The following NRG3 variants were observed in gnomAD, a reference collection of about 807,000 sequenced individuals.
The protein encoded by NRG3 is neuregulin 3.
NRG3 carries 31 observed loss-of-function variants against 66.9 expected under a neutral mutation model. That is an observed-to-expected ratio of 0.46 (90% CI 0.35 to 0.63). The LOEUF is 0.63. Ranked by LOEUF, NRG3 falls within the 20% of genes least tolerant of loss-of-function variation. NRG3 has a pLI of 0.00. For synonymous variants in NRG3, 393 were observed against 359.4 expected, an observed-to-expected ratio of 1.09 and a Z score of -1.06; for missense variants, 910 against 878.9, an observed-to-expected ratio of 1.04 and a Z score of -0.45.
At chr10:82,149,503 C>T (rs1214895574) in intron 1 of NRG3, among the ~76,000 whole-genome samples, 3 of 152,008 alleles carry the variant, frequency 2.0e-5, no homozygotes, top group Non-Finnish European at 4.4e-5. Context: ...TTTTTATGTA[C>T]TTGTAATCGG....
intron 3 of NRG3, among the ~76,000 whole-genome samples, chr10:82,819,447 A>T (rs1327857389): frequency 6.6e-6 from 1 of 152,230 alleles, no homozygotes; most frequent in Admixed American, 6.5e-5. Flanking sequence ...ATCCTAAGAG[A>T]AGCAGCAAAG....
chr10:81,907,020 T>G (rs1281584238), intron 1 of NRG3, among the ~76,000 whole-genome samples: 1 of 152,132 alleles, frequency 6.6e-6, no homozygotes, highest in African/African-American at 2.4e-5. Flanking sequence ...AGGAGAGGTT[T>G]GGAGTGGGGA....
At chr10:82,103,121 G>T (rs1002147684) in intron 1 of NRG3, among the ~76,000 whole-genome samples, 1 of 151,972 alleles carries the variant, frequency 6.6e-6, no homozygotes, top group Admixed American at 6.5e-5. Context: ...TTAGTATTCT[G>T]GGCTGGTCTT....
intron 8 of NRG3, among the ~76,000 whole-genome samples, chr10:82,982,208 C>A (rs1355853027): frequency 6.6e-6 from 1 of 152,096 alleles, no homozygotes; most frequent in African/African-American, 2.4e-5. Context: ...TTTTCATGTG[C>A]CCTAGGAACT....
At chr10:82,356,374 TTAAC>T (rs1415072958) in intron 1 of NRG3, among the ~76,000 whole-genome samples, 36 of 152,162 alleles carry the variant, frequency 2.4e-4, no homozygotes, top group African/African-American at 8.2e-4. Context: ...AAAGGAAAAG[TTAAC>T]TAACTGATCA....
At chr10:82,719,244 T>C (rs553162586) in intron 2 of NRG3, among the ~76,000 whole-genome samples, 1 of 151,532 alleles carries the variant, frequency 6.6e-6, no homozygotes, top group Non-Finnish European at 1.5e-5. Context: ...CAAAAGAAGA[T>C]GGATGCAGAG....
intron 2 of NRG3, among the ~76,000 whole-genome samples, chr10:82,675,398 A>T (rs529069444): frequency 2.0e-5 from 3 of 152,302 alleles, no homozygotes; most frequent in African/African-American, 7.2e-5. Context: ...GTGGGGCCAC[A>T]AGAGCAGTTG....
chr10:82,981,962 T>G (rs573341792), intron 8 of NRG3, among the ~76,000 whole-genome samples: 1 of 152,300 alleles, frequency 6.6e-6, no homozygotes, highest in South Asian at 2.1e-4. Flanking sequence ...CTTTAGAAAT[T>G]TTATTGATAA....
rs77378071 is a variant in NRG3, at chr10:82,375,630, A to G, written c.953+16762A>G. 5.5e-4 allele frequency among the ~76,000 whole-genome samples: 84 copies of G among 152,330 alleles called. 1 individual carries two copies. The East Asian group carries it at 0.013, about 24-fold the overall frequency. ...GCCAAAACGCTAAGTGAATTTTACA[A>G]TGGAACATGGACTTTTCAAAGGGAC... On this transcript the variant is annotated intron_variant, in intron 2 of 8. Coordinates refer to ENST00000372141, the MANE Select transcript of NRG3 (RefSeq NM_001010848.4).
At chr10:82,075,965 A>C (rs976886899) in intron 1 of NRG3, among the ~76,000 whole-genome samples, 1 of 151,334 alleles carries the variant, frequency 6.6e-6, no homozygotes, top group African/African-American at 2.4e-5. Flanking sequence ...AAAAAAAAAA[A>C]CGATCATTTA....
intron 1 of NRG3, among the ~76,000 whole-genome samples, chr10:81,993,833 G>A (rs1275624197): frequency 6.6e-6 from 1 of 152,150 alleles, no homozygotes; most frequent in Non-Finnish European, 1.5e-5. Context: ...TCACATAGAA[G>A]CGCAGAAGCA....
At chr10:82,377,944 G>A (rs1006978879) in intron 2 of NRG3, among the ~76,000 whole-genome samples, 5 of 152,184 alleles carry the variant, frequency 3.3e-5, no homozygotes, top group African/African-American at 1.2e-4. Context: ...GTAACCGATA[G>A]AATTTGACCA....
At chr10:82,438,538 A>C (rs1277789668) in intron 2 of NRG3, among the ~76,000 whole-genome samples, 1 of 152,202 alleles carries the variant, frequency 6.6e-6, no homozygotes, top group Non-Finnish European at 1.5e-5. Context: ...CACTTAGACA[A>C]CAGGCAGCTG....
At chr10:82,841,787 G>A (rs937581878) in intron 3 of NRG3, among the ~76,000 whole-genome samples, 2 of 152,160 alleles carry the variant, frequency 1.3e-5, no homozygotes, top group South Asian at 4.1e-4. Context: ...GGGTACTATA[G>A]CCTAGTGAAG....
intron 3 of NRG3, among the ~76,000 whole-genome samples, chr10:82,801,172 T>C (rs960134067): frequency 3.3e-5 from 5 of 152,162 alleles, no homozygotes; most frequent in Non-Finnish European, 5.9e-5. Context: ...AAAGTTGCAC[T>C]TCGAAGATGT....
chr10:82,345,483 G>C (rs1005638110), intron 1 of NRG3, among the ~76,000 whole-genome samples: 35 of 151,888 alleles, frequency 2.3e-4, no homozygotes, highest in Non-Finnish European at 4.3e-4. Flanking sequence ...AGTATAGTTT[G>C]AAGTCAGGTA....
In NRG3 at chr10:82,695,444, TAC is replaced by T. The variant is rs560002463; in HGVS notation, c.954-43132_954-43131del. Among the ~76,000 whole-genome samples the T allele has an allele frequency of 2.5e-4, 38 of 152,232 alleles. No individual in the cohort carries two copies. In the South Asian group the frequency reaches 7.2e-3, roughly 29 times the overall value. ...AATATAATAGGATCGCAGTTTAATA[TAC>T]GAGTATGAAAACTCATATGTTAAGA... On this transcript the variant is annotated intron_variant, in intron 2 of 8. Coordinates refer to ENST00000372141, the MANE Select transcript of NRG3 (RefSeq NM_001010848.4).
intron 2 of NRG3, among the ~76,000 whole-genome samples, chr10:82,503,964 C>T (rs1844436956): frequency 6.6e-6 from 1 of 152,124 alleles, no homozygotes; most frequent in Non-Finnish European, 1.5e-5. Flanking sequence ...TGAATGTCAT[C>T]TGTTAAATGG....
At chr10:82,810,762 A>C (rs1360626886) in intron 3 of NRG3, among the ~76,000 whole-genome samples, 2 of 150,704 alleles carry the variant, frequency 1.3e-5, no homozygotes, top group Non-Finnish European at 3.0e-5. Flanking sequence ...AAAAAAGAAG[A>C]AGCGACTGCA....
Sources: allele counts gnomAD v4.1 joint callset (sites outside exome capture counted in the v4.1 genomes callset), GRCh38; gene constraint gnomAD v4.1.1; transcripts MANE v1.5; gene names NCBI Gene and HGNC (gene_info 2026-07-23, HGNC 2026-07-21).